Variants in NT5DC1 observed in about 807,000 individuals in gnomAD.
NT5DC1 encodes 5'-nucleotidase domain containing 1, also known as 5'-nucleotidase domain-containing protein 1.
Under a neutral mutation model 59.4 loss-of-function variants are expected in NT5DC1, and 42 were observed. The observed-to-expected ratio is 0.71, with a 90% CI of 0.55 to 0.92. The LOEUF is 0.92. Among genes scored for constraint, NT5DC1 ranks in the 40% least tolerant of loss-of-function variants. The probability of loss-of-function intolerance (pLI) is 0.00; values close to 1 mark genes in which losing one functional copy is unlikely to be tolerated. For synonymous variants in NT5DC1, 172 were observed against 188.1 expected (o/e 0.91, Z 0.70); for missense variants, 501 against 537.1 (o/e 0.93, Z 0.66).
chr6:116,221,322 C>T, intron 7 of NT5DC1, 94 bp downstream of exon 7: 2 of 747,404 alleles, frequency 2.7e-6, no homozygotes, highest in Non-Finnish European at 4.4e-6. Flanking sequence ...ATGACCATAT[C>T]ATTATTTTAA....
At chr6:116,166,826 A>T (rs925036604) in intron 6 of NT5DC1, among the ~76,000 whole-genome samples, 1 of 152,220 alleles carries the variant, frequency 6.6e-6, no homozygotes, top group Non-Finnish European at 1.5e-5. Context: ...AGTGGTTTCT[A>T]TTTAAAGACG....
chr6:116,127,391 T>TA (rs1053174350), intron 6 of NT5DC1, among the ~76,000 whole-genome samples: 8 of 152,140 alleles, frequency 5.3e-5, no homozygotes, highest in African/African-American at 1.9e-4. Context: ...ATTGCCATAT[T>TA]AAAAAAATTT....
chr6:116,132,376 A>G lies in NT5DC1; in HGVS notation c.529+14431A>G, dbSNP rs535489172. ...ATAGCTTAGACCATTTCTCTAGCCT[A>G]CTTTTCCTGTACATGTTCTATAACT... On this transcript the variant is annotated intron_variant, in intron 6 of 11. Transcript: ENST00000319550. Among the ~76,000 whole-genome samples, 5 of 152,216 alleles carry G rather than the reference A, an allele frequency of 3.3e-5. No homozygotes were observed. In the South Asian group the frequency reaches 1.0e-3, roughly 32 times the overall value.
At chr6:116,129,407 T>C (rs1476650179) in intron 6 of NT5DC1, among the ~76,000 whole-genome samples, 1 of 152,242 alleles carries the variant, frequency 6.6e-6, no homozygotes, top group Non-Finnish European at 1.5e-5. Context: ...TGTAACAGTT[T>C]TGGCAAGTGG....
At chr6:116,188,700 T>G (rs1040824693) in intron 6 of NT5DC1, among the ~76,000 whole-genome samples, 54 of 120,830 alleles carry the variant, frequency 4.5e-4, no homozygotes, top group Admixed American at 2.3e-3. Context: ...TCCTGGAAAT[T>G]TTCTACTTTT....
intron 6 of NT5DC1, among the ~76,000 whole-genome samples, chr6:116,192,852 T>C (rs1380400368): frequency 6.6e-6 from 1 of 152,052 alleles, no homozygotes; most frequent in Non-Finnish European, 1.5e-5. Flanking sequence ...AAGGTGTGTC[T>C]TTTCTAGTCT....
chr6:116,125,554 A>T, intron 6 of NT5DC1: 1 of 1,551,778 alleles, frequency 6.4e-7, no homozygotes, highest in South Asian at 1.1e-5. Flanking sequence ...TTATTAACCT[A>T]TTTTTTTATT....
intron 6 of NT5DC1, among the ~76,000 whole-genome samples, chr6:116,203,063 C>T (rs1047898501): frequency 9.9e-5 from 15 of 151,842 alleles, no homozygotes; most frequent in African/African-American, 3.6e-4. Flanking sequence ...TGATATTAAA[C>T]ATTTTTATGG....
chr6:116,163,529 TTAG>T (rs1780394229), intron 6 of NT5DC1, among the ~76,000 whole-genome samples: 1 of 152,110 alleles, frequency 6.6e-6, no homozygotes, highest in Non-Finnish European at 1.5e-5. Context: ...TTTAATCTAG[TTAG>T]TAGTCTATCA....
intron 6 of NT5DC1, among the ~76,000 whole-genome samples, chr6:116,220,122 CTTTTT>C (rs60827021): frequency 0.029 from 2,881 of 98,592 alleles, 12 homozygotes; most frequent in South Asian, 0.064. Context: ...GCTGTTTAAC[CTTTTT>C]TTTTTTTTTT....
At chr6:116,242,331 ACT>A (rs369451070) in intron 11 of NT5DC1, among the ~76,000 whole-genome samples, 41 of 152,290 alleles carry the variant, frequency 2.7e-4, no homozygotes, top group Middle Eastern at 3.4e-3. Flanking sequence ...ACAGAGCAAG[ACT>A]CTTGTCTCAA....
intron 6 of NT5DC1, among the ~76,000 whole-genome samples, chr6:116,135,374 AATG>A (rs1779562484): frequency 6.6e-6 from 1 of 152,028 alleles, no homozygotes; most frequent in African/African-American, 2.4e-5. Context: ...AGTACTAGAA[AATG>A]ATATTTCATT....
In NT5DC1 at chr6:116,238,293, C is replaced by T. The variant is rs760984260; in HGVS notation, c.1028C>T (p.Thr343Met). The T allele has an allele frequency of 2.7e-5, 43 of 1,612,262 alleles. No homozygotes were observed. The Admixed American group carries it at 5.3e-4, about 20-fold the overall frequency. ...ILEELRGDEGTRSQRPEESEP... is the reference protein window; with the variant it reads ...ILEELRGDEGMRSQRPEESEP... The stretch of plus-strand genomic sequence containing the variant: ...GAAGAACTCAGAGGGGATGAAGGCA[C>T]GAGGAGTCAGAGGCCTGAGGAGTCA... The change falls in exon 10 of 12, where the codon ACG (threonine) becomes ATG (methionine). Residue 343 changes from threonine (T) to methionine (M), a missense_variant. Thr to Met is a moderately conservative substitution (Grantham distance 81). Transcript: ENST00000319550.
intron 6 of NT5DC1, among the ~76,000 whole-genome samples, chr6:116,139,755 GTT>G (rs930571833): frequency 7.2e-5 from 11 of 152,066 alleles, no homozygotes; most frequent in African/African-American, 2.7e-4. Flanking sequence ...GAATTTGACA[GTT>G]TTTTGCTTAA....
rs73566408 is a variant in NT5DC1 at position 116,156,221 on chromosome 6, G to A, written c.529+38276G>A. Among the ~76,000 whole-genome samples, 619 of 152,082 alleles carry A rather than the reference G, an allele frequency of 4.1e-3. 6 individuals carry two copies. The highest frequency in any genetic ancestry group is 0.014 in the African/African-American group (588 of 41,500). The stretch of plus-strand genomic sequence containing the variant: ...CATTTGTCCCTGTTTTCTTGTGTTT[G>A]CTCTTCACTTTCTGTAGTTTTTTCC... On this transcript the variant is annotated intron_variant, in intron 6 of 11. Transcript: ENST00000319550.
At chr6:116,242,576 C>T (rs964597235) in intron 11 of NT5DC1, among the ~76,000 whole-genome samples, 8 of 151,906 alleles carry the variant, frequency 5.3e-5, no homozygotes, top group African/African-American at 1.9e-4. Context: ...GAGATCACTT[C>T]ATAATTATAA....
chr6:116,232,259 A>T (rs1782032079), intron 8 of NT5DC1, among the ~76,000 whole-genome samples: 2 of 152,172 alleles, frequency 1.3e-5, no homozygotes, highest in East Asian at 3.8e-4. Context: ...AGGGGTTATT[A>T]TTTTAACTTA....
chr6:116,198,860 TC>T (rs1289028322), intron 6 of NT5DC1, among the ~76,000 whole-genome samples: 3 of 152,022 alleles, frequency 2.0e-5, no homozygotes, highest in African/African-American at 7.2e-5. Flanking sequence ...GACAGAGTCT[TC>T]CATGGTGATC....
intron 6 of NT5DC1, among the ~76,000 whole-genome samples, chr6:116,118,505 C>G (rs1237692681): frequency 6.6e-6 from 1 of 152,128 alleles, no homozygotes; most frequent in East Asian, 1.9e-4. Flanking sequence ...CCACATTGTC[C>G]TGATTAAACT....
Sources: allele counts gnomAD v4.1 joint callset (sites outside exome capture counted in the v4.1 genomes callset), GRCh38; gene constraint gnomAD v4.1.1; transcripts MANE v1.5; gene names NCBI Gene and HGNC (gene_info 2026-07-23, HGNC 2026-07-21).